MYO7B: variants seen among roughly 807,000 people sequenced by gnomAD.
MYO7B encodes myosin VIIB.
In MYO7B, 212 loss-of-function variants were observed where a neutral mutation model predicts 259.7. The ratio of observed to expected loss-of-function variants is 0.82; its 90% CI spans 0.73 to 0.91. MYO7B has a LOEUF of 0.91. Ranked by LOEUF, MYO7B falls within the 40% of genes least tolerant of loss-of-function variation. The pLI is 0.00. For synonymous variants in MYO7B, 1,197 were observed against 1,166.4 expected (o/e 1.03, Z -0.54); for missense variants, 2,732 against 2,813.5 (o/e 0.97, Z 0.66).
In MYO7B at chr2:127,584,070, G is replaced by A. The variant is rs1049319305; in HGVS notation, c.1344-52G>A. ...TCCTATGGCTCCAGCCTGCTGCAGC[G>A]GGGACTCAGCTGGCCCCACTCCACC... On this transcript the variant is annotated intron_variant, in intron 12 of 47. Coordinates refer to ENST00000409816, the MANE Select transcript of MYO7B (RefSeq NM_001393586.1). The surrounding 1 kb of genome is among the most constrained non-coding windows in gnomAD (Gnocchi z 5.8). 53 of 1,527,982 alleles carry A rather than the reference G, an allele frequency of 3.5e-5. No homozygotes were observed. The highest frequency in any genetic ancestry group is 4.7e-5 in the East Asian group (2 of 42,392). The allele number at this position is 1,527,982 out of a possible 1,614,324, so 94.7% of individuals were successfully genotyped here.
intron 26 of MYO7B, among the ~76,000 whole-genome samples, chr2:127,618,520 G>A (rs1156311309): frequency 6.6e-6 from 1 of 152,202 alleles, no homozygotes; most frequent in Non-Finnish European, 1.5e-5. Flanking sequence ...TTGTGCCTGG[G>A]TCGTGACTGC....
intron 1 of MYO7B, among the ~76,000 whole-genome samples, chr2:127,551,590 A>T (rs1040057002): frequency 1.3e-5 from 2 of 152,204 alleles, no homozygotes; most frequent in East Asian, 3.8e-4. Context: ...TTGAAGGGAG[A>T]TGTGTCAAAG....
At chr2:127,575,329 T>C (rs1390959567) in intron 7 of MYO7B, among the ~76,000 whole-genome samples, 1 of 151,850 alleles carries the variant, frequency 6.6e-6, no homozygotes, top group Non-Finnish European at 1.5e-5. Context: ...TCCTATTTCT[T>C]GATATAGTGG....
At chr2:127,624,381 G>T in intron 30 of MYO7B, 61 bp downstream of exon 30, 1 of 1,473,356 alleles carries the variant, frequency 6.8e-7, no homozygotes, top group Non-Finnish European at 9.1e-7. Flanking sequence ...TCCCATAGAG[G>T]AGGCACCCAA....
chr2:127,613,237 C>T lies in MYO7B; in HGVS notation c.3398+634C>T, dbSNP rs1043270491. Among the ~76,000 whole-genome samples, 1 of 152,200 alleles carries T rather than the reference C, an allele frequency of 6.6e-6. No homozygotes were observed. The highest frequency in any genetic ancestry group is 1.5e-5 in the Non-Finnish European group (1 of 68,030). Reference sequence around the variant, plus strand: ...TGTAAGATTCTTTTATATTGTTCTTCAGGTACCTAGGGGTCTGCTTATCTT... The same window carrying T: ...TGTAAGATTCTTTTATATTGTTCTTTAGGTACCTAGGGGTCTGCTTATCTT... On this transcript the variant is annotated intron_variant, in intron 26 of 47. Transcript: ENST00000409816. The surrounding 1 kb of genome is among the most constrained non-coding windows in gnomAD (Gnocchi z 4.3).
At position 127,562,007 on chromosome 2, in the gene MYO7B, AAG is replaced by A. The variant is rs200378510; in HGVS notation, c.19-2130_19-2129del. 7.4e-3 allele frequency among the ~76,000 whole-genome samples: 1,111 copies of A among 149,536 alleles called. 8 individuals are homozygous for A. The highest frequency in any genetic ancestry group is 0.013 in the Non-Finnish European group (847 of 67,196). Reference sequence around the variant, plus strand: ...GGGGGTGAGGAGAGGGAGAAAGAAAAAGAGAGAGAGAGAGAGAAAGGGAGAGA... The same window carrying A: ...GGGGGTGAGGAGAGGGAGAAAGAAAAAGAGAGAGAGAGAGAAAGGGAGAGA... On this transcript the variant is annotated intron_variant, in intron 2 of 47. Coordinates refer to ENST00000409816, the MANE Select transcript of MYO7B (RefSeq NM_001393586.1).
rs549264803 is a variant in MYO7B at position 127,577,764 on chromosome 2, C to T, written c.850-369C>T. Among the ~76,000 whole-genome samples, 8 of 152,364 alleles carry T rather than the reference C, an allele frequency of 5.3e-5. No individual in the cohort carries two copies. The South Asian group carries it at 1.4e-3, about 28-fold the overall frequency. ...GCACGGTCACTGGCTCCCTGCCTGC[C>T]CCCCTGGATGCGCAGCACAGGGCCT... is the stretch of plus-strand genomic sequence containing the variant. On this transcript the variant is annotated intron_variant, in intron 8 of 47. Transcript: ENST00000409816. This position sits in a 1 kb window ranked among gnomAD's most constrained non-coding sequence, Gnocchi z 5.2.
At chr2:127,567,459 C>T (rs185622805) in intron 5 of MYO7B, among the ~76,000 whole-genome samples, 1 of 152,170 alleles carries the variant, frequency 6.6e-6, no homozygotes. Flanking sequence ...CCCTGCCTGG[C>T]CTGGCCTCTC....
intron 1 of MYO7B, among the ~76,000 whole-genome samples, chr2:127,547,800 A>G (rs922250513): frequency 2.6e-5 from 4 of 152,158 alleles, no homozygotes; most frequent in Non-Finnish European, 5.9e-5. Context: ...TAATGTCTTT[A>G]TCTCATTTTG....
At chr2:127,558,158 C>A (rs372293549) in intron 1 of MYO7B, among the ~76,000 whole-genome samples, 17 of 151,882 alleles carry the variant, frequency 1.1e-4, no homozygotes, top group South Asian at 2.1e-4. Flanking sequence ...AGAAAAAAAA[C>A]CAAACAATCC....
Position 127,636,778 on chromosome 2 carries a change from C to A in MYO7B, c.6208-16C>A. The A allele has an allele frequency of 6.2e-7, 1 of 1,612,552 alleles. No individual in the cohort carries two copies. Among genetic ancestry groups the A allele is most frequent in the Non-Finnish European group, 8.5e-7 (1 of 1,179,278 alleles). ...GCTCTGGAGGCGTCCGGCCCACCCA[C>A]CCTCTCTGCCCCCAGGACCTGCTCA... is the stretch of plus-strand genomic sequence containing the variant. On this transcript the variant is annotated splice_polypyrimidine_tract_variant and intron_variant, in intron 46 of 47. Coordinates refer to ENST00000409816, the MANE Select transcript of MYO7B (RefSeq NM_001393586.1). This position sits in a 1 kb window ranked among gnomAD's most constrained non-coding sequence, Gnocchi z 4.5.
chr2:127,545,636 T>A (rs563255402), intron 1 of MYO7B, among the ~76,000 whole-genome samples: 11 of 152,352 alleles, frequency 7.2e-5, no homozygotes, highest in Non-Finnish European at 1.6e-4. Flanking sequence ...GCCTGGTGGA[T>A]GGGTGCACAG....
At position 127,578,264 on chromosome 2, in the gene MYO7B, C is replaced by T. The variant is rs747902385; in HGVS notation, c.981C>T (p.His327=). Residue 327 remains histidine, a synonymous_variant, in exon 9 of 48, where the codon CAC becomes CAT. Transcript: ENST00000409816. ...DVIKLLAAIL[H]LGNVGFMASV... ...TCAAGCTGCTGGCTGCCATTCTCCA[C>T]CTGGGGAATGTGGGGTTCATGGGTA... 1.2e-6 allele frequency: 2 copies of T among 1,613,538 alleles called. No homozygotes were observed. Among genetic ancestry groups the T allele is most frequent in the African/African-American group, 1.3e-5 (1 of 74,858 alleles).
chr2:127,612,335 C>G lies in MYO7B; in HGVS notation c.3270+8C>G, dbSNP rs1452751865. 4.9e-6 allele frequency: 6 copies of G among 1,218,180 alleles called. No individual in the cohort carries two copies. In the Admixed American group the frequency reaches 1.2e-4, roughly 24 times the overall value. 75.5% of individuals were successfully genotyped at this position (1,218,180 alleles called of 1,614,324 possible). A position where few individuals can be genotyped will look rare whatever the true frequency, so the allele number is the denominator to read the frequency against. On this transcript the variant is annotated splice_region_variant and intron_variant, in intron 25 of 47. Transcript: ENST00000409816. Reference sequence around the variant, plus strand: ...TCCCGGATCACAGGCCAGGTGAGCCCAGAGCACAGAATCTCTGCTCCCAGC... The same window carrying G: ...TCCCGGATCACAGGCCAGGTGAGCCGAGAGCACAGAATCTCTGCTCCCAGC...
chr2:127,635,147 T>G lies in MYO7B; in HGVS notation c.5741T>G (p.Val1914Gly), dbSNP rs1573731079. The change falls in exon 43 of 48, where the codon GTG (valine) becomes GGG (glycine). Residue 1914 changes from valine (V) to glycine (G), a missense_variant. Physicochemically the swap from Val to Gly is moderately radical, Grantham distance 109. Transcript: ENST00000409816. The stretch of plus-strand genomic sequence containing the variant: ...GCCCCCGTGACGCTCCCCTACCAGG[T>G]GTACTTCATGCGGAAATTGTGGCTC... The part of the protein sequence containing the change: ...EGAPVTLPYQ[V>G]YFMRKLWLNI... 1.2e-6 allele frequency: 2 copies of G among 1,613,280 alleles called. No homozygotes were observed. Among genetic ancestry groups the G allele is most frequent in the Non-Finnish European group, 8.5e-7 (1 of 1,179,670 alleles).
At chr2:127,629,007 G>A (rs761706223) in intron 34 of MYO7B, among the ~76,000 whole-genome samples, 15 of 152,250 alleles carry the variant, frequency 9.9e-5, no homozygotes, top group Non-Finnish European at 2.2e-4. Flanking sequence ...GCACTCCATC[G>A]AGAGCTGGGC....
Position 127,546,143 on chromosome 2 carries a change from C to T in MYO7B, c.-24+10312C>T, listed in dbSNP as rs368905729. Among the ~76,000 whole-genome samples the T allele has an allele frequency of 1.6e-4, 25 of 152,336 alleles. No individual in the cohort carries two copies. In the East Asian group the frequency reaches 2.1e-3, roughly 13 times the overall value. On this transcript the variant is annotated intron_variant, in intron 1 of 47. Transcript: ENST00000409816. The surrounding 1 kb of genome is among the most constrained non-coding windows in gnomAD (Gnocchi z 4.2). The stretch of plus-strand genomic sequence containing the variant: ...CACCCAGCCCCAGATGCCCTTTCTG[C>T]CCAAAGAACACTCAGACCCCTTTGG...
At chr2:127,557,255 G>A (rs139279380) in intron 1 of MYO7B, among the ~76,000 whole-genome samples, 1,889 of 151,948 alleles carry the variant, frequency 0.012, 34 homozygotes, top group African/African-American at 0.043. Flanking sequence ...AGTTGCAATT[G>A]TTTTTTATTT....
At position 127,627,374 on chromosome 2, in the gene MYO7B, G is replaced by C. The variant is rs183161218; in HGVS notation, c.4460+64G>C. On this transcript the variant is annotated intron_variant, in intron 33 of 47. Transcript: ENST00000409816. The surrounding 1 kb of genome is among the most constrained non-coding windows in gnomAD (Gnocchi z 5.6). ...GTCCTTGTGATGCATCTGGGGGCTC[G>C]GGGAGAGATGGGGAGAGGGGCAGTG... is the stretch of plus-strand genomic sequence containing the variant. The C allele has an allele frequency of 4.6e-6, 7 of 1,531,838 alleles. No individual in the cohort carries two copies. In the African/African-American group the frequency reaches 6.8e-5, roughly 15 times the overall value. The allele number at this position is 1,531,838 out of a possible 1,614,324, so 94.9% of individuals were successfully genotyped here. A position where few individuals can be genotyped will look rare whatever the true frequency, so the allele number is the denominator to read the frequency against.
Sources: gnomAD v4.1 joint callset for allele counts (sites outside exome capture counted in the v4.1 genomes callset) on GRCh38, gnomAD v4.1.1 for gene constraint, Gnocchi (gnomAD v3.1) non-coding constraint, MANE v1.5 for transcripts, NCBI Gene and HGNC (gene_info 2026-07-23, HGNC 2026-07-21) for gene names.